Variants in NAPSA observed in about 807,000 individuals in gnomAD.
NAPSA encodes the protein napsin-A.
Under a neutral mutation model 36.7 loss-of-function variants are expected in NAPSA, and 37 were observed. The ratio of observed to expected loss-of-function variants is 1.01; its 90% confidence interval spans 0.78 to 1.33. NAPSA has a LOEUF of 1.33. Ranked by LOEUF, NAPSA falls within the 40% of genes most tolerant of loss-of-function variation. The probability of loss-of-function intolerance (pLI) is 0.00; values close to 1 mark genes in which losing one functional copy is unlikely to be tolerated. For synonymous variants in NAPSA, 222 were observed against 234.5 expected (o/e 0.95, Z 0.49); for missense variants, 532 against 543.8 (o/e 0.98, Z 0.21).
chr19:50,365,881 C>T (rs547042578), upstream of NAPSA: 15 of 342,830 alleles, frequency 4.4e-5, no homozygotes, highest in East Asian at 4.3e-4. Context: ...TCTCCTCCAC[C>T]GTCACCACCT....
At chr19:50,360,893 T>C in intron 5 of NAPSA, 48 bp downstream of exon 5, 1 of 1,559,872 alleles carries the variant, frequency 6.4e-7, no homozygotes, top group Non-Finnish European at 8.7e-7. Context: ...GAAGACTCTC[T>C]TCCTTCTTGG....
chr19:50,360,007 G>T, intron 5 of NAPSA, 145 bp from the exon 6 acceptor site: 1 of 1,082,560 alleles, frequency 9.2e-7, no homozygotes, highest in Non-Finnish European at 1.3e-6. Context: ...GGGCCTAGAT[G>T]TTGGGACTGG....
intron 1 of NAPSA, 116 bp downstream of exon 1, chr19:50,365,423 G>A: frequency 1.1e-6 from 1 of 910,462 alleles, no homozygotes; most frequent in Non-Finnish European, 1.8e-6. Context: ...TGAGAAAGAA[G>A]CTCTAGGGAT....
At chr19:50,363,883 C>A (rs566816622) in intron 1 of NAPSA, among the ~76,000 whole-genome samples, 5 of 152,204 alleles carry the variant, frequency 3.3e-5, no homozygotes, top group African/African-American at 1.2e-4. Flanking sequence ...CTTCTTCAGG[C>A]CAGTTTGATG....
chr19:50,358,529 C>T lies in NAPSA; in HGVS notation c.*24G>A. The stretch of plus-strand genomic sequence containing the variant: ...GTAGCAGGACCTCCGCGACCACCCG[C>T]TGCGCATGCGCTTCACTTGGGCGTC... On this transcript the variant is annotated 3_prime_UTR_variant, in exon 9 of 9. Coordinates refer to ENST00000253719, the MANE Select transcript of NAPSA (RefSeq NM_004851.3). The T allele has an allele frequency of 7.7e-6, 12 of 1,548,808 alleles. No individual in the cohort carries two copies. Among genetic ancestry groups the T allele is most frequent in the Non-Finnish European group, 1.0e-5 (12 of 1,146,162 alleles).
intron 7 of NAPSA, 174 bp from the exon 8 acceptor site, chr19:50,359,283 G>A (rs1368383798): frequency 9.6e-6 from 8 of 829,730 alleles, no homozygotes; most frequent in East Asian, 2.7e-5. Flanking sequence ...CTGCATGATC[G>A]TCTCCCTCCA....
Position 50,358,588 on chromosome 19 carries a change from A to C in NAPSA, c.1228T>G (p.Trp410Gly). 2 of 1,610,568 alleles carry C rather than the reference A, an allele frequency of 1.2e-6. No individual in the cohort carries two copies. Among genetic ancestry groups the C allele is most frequent in the Non-Finnish European group, 8.5e-7 (1 of 1,178,998 alleles). ...RARTRGADLG[W>G]GETAQAQFPG Reference sequence around the variant, plus strand: ...AACTGCGCCTGCGCAGTCTCTCCCCATCCGAGGTCCGCTCCGCGAGTGCGA... The same window carrying C: ...AACTGCGCCTGCGCAGTCTCTCCCCCTCCGAGGTCCGCTCCGCGAGTGCGA... Residue 410 changes from tryptophan to glycine, a missense_variant, in exon 9 of 9, where the codon TGG becomes GGG. Physicochemically the swap from Trp to Gly is radical, Grantham distance 184. This residue lies in a region of NAPSA where 385 missense variants were observed against 371.5 expected (regional missense o/e 1.04). Transcript: ENST00000253719.
chr19:50,364,193 C>T (rs896137109), intron 1 of NAPSA, among the ~76,000 whole-genome samples: 2 of 151,744 alleles, frequency 1.3e-5, no homozygotes, highest in Non-Finnish European at 2.9e-5. Context: ...TGGTGACTCA[C>T]GCCTGTAATC....
At chr19:50,361,574 C>T in intron 4 of NAPSA, 89 bp downstream of exon 4, 1 of 1,140,326 alleles carries the variant, frequency 8.8e-7, no homozygotes, top group Non-Finnish European at 1.3e-6. Context: ...GCTTGGGAAG[C>T]TCCTCCTCGA....
Position 50,362,297 on chromosome 19 carries a change from C to G in NAPSA, c.100G>C (p.Val34Leu). 1.2e-6 allele frequency: 2 copies of G among 1,608,538 alleles called. No individual in the cohort carries two copies. Among genetic ancestry groups the G allele is most frequent in the Non-Finnish European group, 1.7e-6 (2 of 1,177,218 alleles). The change falls in exon 2 of 9, where the codon GTC becomes CTC. Residue 34 changes from valine to leucine, a missense_variant. Val to Leu is a conservative substitution (Grantham distance 32). Around this residue, in one of 3 missense-constraint regions of NAPSA, gnomAD observed 102 missense variants for 93.6 expected, o/e 1.09. Transcript: ENST00000253719. ...ATLIRIPLHRVQPGRRILNLL... is the reference protein window; with the variant it reads ...ATLIRIPLHRLQPGRRILNLL... Reference sequence around the variant, plus strand: ...TTCAGGATCCTGCGTCCAGGTTGGACTCGATGAAGAGGGATGCTGTAGGGA... The same window carrying G: ...TTCAGGATCCTGCGTCCAGGTTGGAGTCGATGAAGAGGGATGCTGTAGGGA...
At chr19:50,360,205 G>A (rs2037454275) in intron 5 of NAPSA, among the ~76,000 whole-genome samples, 1 of 152,122 alleles carries the variant, frequency 6.6e-6, no homozygotes, top group Non-Finnish European at 1.5e-5. Flanking sequence ...GCAGGGGTGG[G>A]GTGGCTTCCT....
Position 50,359,037 on chromosome 19 carries a change from G to A in NAPSA, c.1009C>T (p.Leu337Phe), listed in dbSNP as rs1380143286. The change falls in exon 8 of 9, where the codon CTC (leucine) becomes TTC (phenylalanine). Residue 337 changes from leucine (L) to phenylalanine (F), a missense_variant. Transcript: ENST00000253719. ...TGGATGACGTAATCATGGGCCGTGA[G>A]GTTAAACCAGACCCCCCCAAGAAGG... ...SFLLGGVWFN[L>F]TAHDYVIQTT... The A allele has an allele frequency of 6.2e-7, 1 of 1,614,068 alleles. No homozygotes were observed. Among genetic ancestry groups the A allele is most frequent in the Non-Finnish European group, 8.5e-7 (1 of 1,179,956 alleles).
chr19:50,365,864 G>C (rs756526798), upstream of NAPSA: 1 of 381,534 alleles, frequency 2.6e-6, no homozygotes. Flanking sequence ...TGGCAGTGGT[G>C]GTGGGGTCTC....
At chr19:50,358,805 G>A (rs1176785765) in intron 8 of NAPSA, 25 bp from the exon 9 acceptor site, 1 of 1,575,014 alleles carries the variant, frequency 6.3e-7, no homozygotes, top group Non-Finnish European at 8.6e-7. Context: ...GACGACAACT[G>A]GGTGTCGCGG....
Position 50,359,443 on chromosome 19 carries a change from T to G in NAPSA, c.936+60A>C. 4 of 1,606,650 alleles carry G rather than the reference T, an allele frequency of 2.5e-6. No individual in the cohort carries two copies. The Admixed American group carries it at 6.7e-5, about 27-fold the overall frequency. On this transcript the variant is annotated intron_variant, in intron 7 of 8. Transcript: ENST00000253719. ...TGCCTCCCACCCTCAGGCCCTTTGA[T>G]GTTCACTGTCAAACTGCCATCAGCC...
At position 50,358,745 on chromosome 19, in the gene NAPSA, A is replaced by C. The variant is rs933187457; in HGVS notation, c.1071T>G (p.Gly357=). Residue 357 remains glycine (G), a synonymous_variant, in exon 9 of 9, where the codon GGT becomes GGG. Coordinates refer to ENST00000253719, the MANE Select transcript of NAPSA (RefSeq NM_004851.3). Reference sequence around the variant, plus strand: ...GCGGAGGGACATCCAGGGCCTGGAAACCGGACAAGCAGAGGCGGACGCCAT... The same window carrying C: ...GCGGAGGGACATCCAGGGCCTGGAACCCGGACAAGCAGAGGCGGACGCCAT... ...TRNGVRLCLS[G]FQALDVPPPA... is the part of the protein sequence containing the mutation. The C allele has an allele frequency of 6.2e-7, 1 of 1,613,218 alleles. No individual in the cohort carries two copies. Among genetic ancestry groups the C allele is most frequent in the Non-Finnish European group, 8.5e-7 (1 of 1,179,938 alleles).
At chr19:50,361,424 T>C in intron 4 of NAPSA, 1 of 562,168 alleles carries the variant, frequency 1.8e-6, no homozygotes. Flanking sequence ...AAGCCCCACC[T>C]CTTAACCTTG....
chr19:50,365,675 C>T (rs2037540793), upstream of NAPSA: 14 of 1,480,584 alleles, frequency 9.5e-6, no homozygotes, highest in Non-Finnish European at 1.1e-5. Flanking sequence ...TTTCTTTCCC[C>T]TGTGACTCCA....
intron 1 of NAPSA, 77 bp from the exon 2 acceptor site, chr19:50,362,390 G>T: frequency 1.4e-6 from 2 of 1,390,252 alleles, no homozygotes; most frequent in Non-Finnish European, 1.9e-6. Context: ...AATAGGATAT[G>T]ATGACAAATT....
Sources: allele counts gnomAD v4.1 joint callset (sites outside exome capture counted in the v4.1 genomes callset), GRCh38; gene constraint gnomAD v4.1.1; regional missense constraint gnomAD v4.1.1; transcripts MANE v1.5; gene names NCBI Gene and HGNC (gene_info 2026-07-23, HGNC 2026-07-21).